Variants in LRBA observed in about 807,000 individuals in gnomAD.
LRBA encodes the protein LPS responsive beige-like anchor protein.
LRBA carries 176 observed loss-of-function variants against 330.0 expected under a neutral mutation model. The observed-to-expected ratio is 0.53, with a 90% CI of 0.47 to 0.60. LRBA has a LOEUF of 0.60. LRBA is among the 20% of genes least tolerant of loss of function. LRBA has a pLI of 0.00. For missense variants in LRBA, 3,259 were observed against 3,444.8 expected (o/e 0.95, Z 1.35); for synonymous variants, 1,230 against 1,193.0 (o/e 1.03, Z -0.64).
chr4:150,716,724 A>T lies in LRBA; in HGVS notation c.5754+18534T>A, dbSNP rs535031396. Among the ~76,000 whole-genome samples, 3 of 152,318 alleles carry T rather than the reference A, an allele frequency of 2.0e-5. No homozygotes were observed. In the East Asian group the frequency reaches 5.8e-4, roughly 29 times the overall value. On this transcript the variant is annotated intron_variant, in intron 36 of 56. Transcript: ENST00000651943. ...CTAAAATTGGTATATACAGTACCCT[A>T]AAATACATAACACTAAAATATGTAA...
At chr4:150,941,899 T>C (rs1295100854) in intron 2 of LRBA, among the ~76,000 whole-genome samples, 1 of 152,014 alleles carries the variant, frequency 6.6e-6, no homozygotes, top group Non-Finnish European at 1.5e-5. Flanking sequence ...AAAAAATTCT[T>C]AGTAATATTT....
intron 47 of LRBA, among the ~76,000 whole-genome samples, chr4:150,354,239 T>A (rs1737535999): frequency 6.6e-6 from 1 of 152,078 alleles, no homozygotes; most frequent in African/African-American, 2.4e-5. Flanking sequence ...TTAAGATTTT[T>A]TAAAAAAATT....
intron 40 of LRBA, among the ~76,000 whole-genome samples, chr4:150,530,145 T>C (rs1451141993): frequency 1.3e-5 from 2 of 152,178 alleles, no homozygotes; most frequent in Non-Finnish European, 2.9e-5. Context: ...TCATGGTTCA[T>C]ACAAATTCAG....
At chr4:150,447,078 T>A (rs181008756) in intron 44 of LRBA, among the ~76,000 whole-genome samples, 6 of 152,280 alleles carry the variant, frequency 3.9e-5, no homozygotes, top group Admixed American at 3.9e-4. Flanking sequence ...TTGGGCTGCC[T>A]CTACAATTTA....
intron 20 of LRBA, 88 bp from the exon 21 acceptor site, chr4:150,868,393 T>C (rs983997934): frequency 2.2e-6 from 2 of 891,430 alleles, no homozygotes; most frequent in African/African-American, 3.3e-5. Flanking sequence ...TTTCTTTAGT[T>C]TCCCTAACAC....
At chr4:150,668,248 C>T (rs892019088) in intron 37 of LRBA, among the ~76,000 whole-genome samples, 1 of 152,176 alleles carries the variant, frequency 6.6e-6, no homozygotes, top group African/African-American at 2.4e-5. Flanking sequence ...TTTAGGTCTT[C>T]CTTTGCAAAT....
At chr4:150,439,919 G>GAGTC (rs926896878) in intron 44 of LRBA, among the ~76,000 whole-genome samples, 38 of 152,212 alleles carry the variant, frequency 2.5e-4, no homozygotes, top group African/African-American at 8.9e-4. Flanking sequence ...AACTAAGCAA[G>GAGTC]AGTCAGTCAT....
At chr4:150,964,428 G>A (rs531988749) in intron 2 of LRBA, among the ~76,000 whole-genome samples, 4 of 149,776 alleles carry the variant, frequency 2.7e-5, no homozygotes, top group Non-Finnish European at 5.9e-5. Context: ...TTGTTATTGT[G>A]TCTGTGTGGA....
At chr4:150,428,077 T>C (rs1749882053) in intron 46 of LRBA, among the ~76,000 whole-genome samples, 1 of 152,058 alleles carries the variant, frequency 6.6e-6, no homozygotes, top group African/African-American at 2.4e-5. Flanking sequence ...TTAACATGCA[T>C]ATGTAATTTA....
chr4:150,628,879 A>C (rs1006916930), intron 37 of LRBA, among the ~76,000 whole-genome samples: 1 of 152,190 alleles, frequency 6.6e-6, no homozygotes, highest in African/African-American at 2.4e-5. Context: ...ATTAATATAC[A>C]CTTCTAAGTC....
At chr4:150,492,395 C>T (rs890531267) in intron 40 of LRBA, among the ~76,000 whole-genome samples, 7 of 152,010 alleles carry the variant, frequency 4.6e-5, no homozygotes, top group Admixed American at 3.3e-4. Context: ...CCTACTAATT[C>T]AGTAATATAA....
chr4:150,808,245 G>A (rs1304578521), intron 32 of LRBA, 75 bp downstream of exon 32: 1 of 909,776 alleles, frequency 1.1e-6, no homozygotes, highest in Non-Finnish European at 1.8e-6. Flanking sequence ...ATGAAACGAA[G>A]TAAAATAAAC....
intron 34 of LRBA, among the ~76,000 whole-genome samples, chr4:150,785,771 C>G (rs988127148): frequency 6.6e-6 from 1 of 152,112 alleles, no homozygotes; most frequent in African/African-American, 2.4e-5. Context: ...TATTTCTCAA[C>G]TACGGTAAAA....
intron 56 of LRBA, among the ~76,000 whole-genome samples, chr4:150,268,320 T>C (rs1745631713): frequency 2.0e-5 from 3 of 152,218 alleles, no homozygotes; most frequent in Non-Finnish European, 4.4e-5. Context: ...CTAGACAAGA[T>C]GGCTTCACTG....
At chr4:150,455,156 G>A (rs1222580918) in intron 44 of LRBA, among the ~76,000 whole-genome samples, 1 of 140,198 alleles carries the variant, frequency 7.1e-6, no homozygotes, top group Non-Finnish European at 1.5e-5. Context: ...CCCAGAGTGT[G>A]ATATTCCCCT....
At chr4:150,522,443 C>T (rs952866157) in intron 40 of LRBA, among the ~76,000 whole-genome samples, 1 of 152,176 alleles carries the variant, frequency 6.6e-6, no homozygotes, top group African/African-American at 2.4e-5. Flanking sequence ...AGATGCTATT[C>T]ATCAAAGCAA....
chr4:150,987,244 T>C (rs952053953), intron 2 of LRBA, among the ~76,000 whole-genome samples: 4 of 152,230 alleles, frequency 2.6e-5, no homozygotes, highest in African/African-American at 9.6e-5. Flanking sequence ...ATTTTACTCC[T>C]ACTCCAGTAA....
intron 37 of LRBA, among the ~76,000 whole-genome samples, chr4:150,665,915 C>G (rs956253353): frequency 6.6e-6 from 1 of 152,116 alleles, no homozygotes; most frequent in African/African-American, 2.4e-5. Flanking sequence ...CATCAAAACA[C>G]GCAGTAGAAT....
intron 2 of LRBA, among the ~76,000 whole-genome samples, chr4:150,945,206 C>A (rs1005498066): frequency 6.6e-6 from 1 of 152,062 alleles, no homozygotes. Flanking sequence ...TCAAATAATT[C>A]GAGTACCTAT....
Sources: allele counts gnomAD v4.1 joint callset (sites outside exome capture counted in the v4.1 genomes callset), GRCh38; gene constraint gnomAD v4.1.1; transcripts MANE v1.5; gene names NCBI Gene and HGNC (gene_info 2026-07-23, HGNC 2026-07-21).